Variants in CATSPERD observed in about 807,000 individuals in gnomAD.
The protein encoded by CATSPERD is cation channel sperm-associated auxiliary subunit delta.
Under a neutral mutation model 98.1 loss-of-function variants are expected in CATSPERD, and 86 were observed. The observed-to-expected ratio is 0.88, with a 90% confidence interval of 0.74 to 1.05. The LOEUF (loss-of-function observed/expected upper bound fraction) is 1.05. Ranked by LOEUF, CATSPERD falls within the 50% of genes least tolerant of loss-of-function variation. CATSPERD has a pLI of 0.00. For synonymous variants in CATSPERD, 394 were observed against 390.2 expected (o/e 1.01, Z -0.12); for missense variants, 995 against 1,005.7 (o/e 0.99, Z 0.14).
intron 12 of CATSPERD, among the ~76,000 whole-genome samples, chr19:5,752,780 C>T (rs1305330905): frequency 6.6e-6 from 1 of 151,986 alleles, no homozygotes; most frequent in East Asian, 1.9e-4. Context: ...GTAATCCTAA[C>T]ACTTTGGGAG....
intron 2 of CATSPERD, 63 bp downstream of exon 2, chr19:5,724,925 A>G: frequency 3.4e-6 from 5 of 1,482,314 alleles, no homozygotes; most frequent in South Asian, 1.1e-5. Flanking sequence ...CAGAGGTAAC[A>G]CTTCCTGGTA....
chr19:5,760,101 C>T (rs1047993975), intron 15 of CATSPERD, among the ~76,000 whole-genome samples: 7 of 143,880 alleles, frequency 4.9e-5, no homozygotes, highest in South Asian at 2.2e-4. Context: ...AAAAAAAGGC[C>T]GGGGGCTGTG....
In CATSPERD at chr19:5,773,968, C is replaced by CTTT. The variant is rs71172771; in HGVS notation, c.1941+1018_1941+1020dup. ...TGTCCTGGCTCTTTTTTTGCATTTG[C>CTTT]TTTTTTTTTTTTTTTTTGAGACGGA... On this transcript the variant is annotated intron_variant, in intron 20 of 21. Coordinates refer to ENST00000381624, the MANE Select transcript of CATSPERD (RefSeq NM_152784.4). 3.0e-4 allele frequency among the ~76,000 whole-genome samples: 36 copies of CTTT among 120,380 alleles called. 1 individual carries two copies. The highest frequency in any genetic ancestry group is 1.1e-3 in the South Asian group (4 of 3,766). 79.0% of individuals were successfully genotyped at this position (120,380 alleles called of 152,430 possible).
At chr19:5,739,801 T>C (rs1233228637) in intron 7 of CATSPERD, among the ~76,000 whole-genome samples, 1 of 144,062 alleles carries the variant, frequency 6.9e-6, no homozygotes, top group Admixed American at 7.4e-5. Flanking sequence ...ATCACAGCTC[T>C]GCTCTCCAGC....
In CATSPERD at chr19:5,778,393, C is replaced by T. The variant is rs749371021; in HGVS notation, c.2114C>T (p.Thr705Ile). ...CACCGCAGCTACTGTCAACTGGAGA[C>T]CATCTTTAGCATCTACGTGTATGGA... ...DPYYSYCQLE[T>I]IFSIYVYGAF... The change falls in exon 22 of 22, where the codon ACC (threonine) becomes ATC (isoleucine). Residue 705 changes from threonine (T) to isoleucine (I), a missense_variant. Thr to Ile is a moderately conservative substitution (Grantham distance 89). Coordinates refer to ENST00000381624, the MANE Select transcript of CATSPERD (RefSeq NM_152784.4). 1 of 1,609,108 alleles carries T rather than the reference C, an allele frequency of 6.2e-7. No individual in the cohort carries two copies. Among genetic ancestry groups the T allele is most frequent in the Non-Finnish European group, 8.5e-7 (1 of 1,176,536 alleles).
At chr19:5,768,781 A>C (rs1194058948) in intron 18 of CATSPERD, among the ~76,000 whole-genome samples, 1 of 152,080 alleles carries the variant, frequency 6.6e-6, no homozygotes, top group Non-Finnish European at 1.5e-5. Flanking sequence ...TGTCCGGCTC[A>C]GTGAGCATGT....
intron 11 of CATSPERD, among the ~76,000 whole-genome samples, chr19:5,750,051 G>A (rs919229834): frequency 7.9e-5 from 12 of 151,102 alleles, no homozygotes; most frequent in Admixed American, 7.3e-4. Flanking sequence ...TGATCCACCC[G>A]CCTAGGCCTC....
At chr19:5,747,747 G>T (rs1324639124) in intron 9 of CATSPERD, among the ~76,000 whole-genome samples, 12 of 151,534 alleles carry the variant, frequency 7.9e-5, no homozygotes, top group Non-Finnish European at 2.9e-5. Context: ...AAGTAGCTGG[G>T]ATTACAGGTG....
At chr19:5,729,223 G>T (rs1229235567) in intron 3 of CATSPERD, among the ~76,000 whole-genome samples, 1 of 151,894 alleles carries the variant, frequency 6.6e-6, no homozygotes, top group East Asian at 1.9e-4. Context: ...AGCCTCCCAA[G>T]TAGCTGGGAT....
chr19:5,743,683 C>CCTCTCT (rs146743330), intron 7 of CATSPERD, among the ~76,000 whole-genome samples: 51 of 144,084 alleles, frequency 3.5e-4, no homozygotes, highest in East Asian at 6.2e-4. Flanking sequence ...TCTCTCTCTT[C>CCTCTCT]CTCTCTCTCT....
chr19:5,758,979 C>T (rs1054648943), intron 14 of CATSPERD, 107 bp from the exon 15 acceptor site: 39 of 877,242 alleles, frequency 4.4e-5, no homozygotes, highest in South Asian at 2.0e-4. Flanking sequence ...CTTCCAGGTT[C>T]GTCCCCCCAT....
At chr19:5,763,743 C>G (rs1429398507) in intron 16 of CATSPERD, among the ~76,000 whole-genome samples, 1 of 151,616 alleles carries the variant, frequency 6.6e-6, no homozygotes, top group Non-Finnish European at 1.5e-5. Context: ...CCTTGGTCTC[C>G]CAAAGCTCCC....
chr19:5,753,054 G>A, intron 12 of CATSPERD, among the ~76,000 whole-genome samples: 1 of 149,786 alleles, frequency 6.7e-6, no homozygotes, highest in South Asian at 2.1e-4. Flanking sequence ...AGTAGATTTT[G>A]TAGAGACAGG....
At chr19:5,767,356 A>T (rs1300181728) in intron 17 of CATSPERD, among the ~76,000 whole-genome samples, 1 of 148,842 alleles carries the variant, frequency 6.7e-6, no homozygotes, top group Non-Finnish European at 1.5e-5. Context: ...TACACCTCTA[A>T]CGGCAAAGTG....
At position 5,736,816 on chromosome 19, in the gene CATSPERD, G is replaced by A. The variant is rs540326910; in HGVS notation, c.392-322G>A. Among the ~76,000 whole-genome samples the A allele has an allele frequency of 5.9e-5, 9 of 152,240 alleles. No individual in the cohort carries two copies. In the South Asian group the frequency reaches 1.5e-3, roughly 25 times the overall value. ...CTCACGCCTGTAATCCCAGCACTTT[G>A]GGAGGCCGAGGTGGGTGGATGACAA... On this transcript the variant is annotated intron_variant, in intron 5 of 21. Transcript: ENST00000381624.
chr19:5,776,241 G>A lies in CATSPERD; in HGVS notation c.2022G>A (p.Arg674=). Residue 674 remains arginine, a synonymous_variant, in exon 21 of 22, where the codon CGG becomes CGA. Coordinates refer to ENST00000381624, the MANE Select transcript of CATSPERD (RefSeq NM_152784.4). ...PDVQYQILGG[R]TANQIIFGHN... The stretch of plus-strand genomic sequence containing the variant: ...TCCAGTATCAGATCTTGGGCGGCCG[G>A]ACAGCAAACCAGATCATTTTCGGCC... The A allele has an allele frequency of 6.2e-7, 1 of 1,614,192 alleles. No homozygotes were observed. The highest frequency in any genetic ancestry group is 8.5e-7 in the Non-Finnish European group (1 of 1,180,036).
intron 15 of CATSPERD, among the ~76,000 whole-genome samples, chr19:5,760,866 G>A (rs1599573679): frequency 6.6e-6 from 1 of 151,572 alleles, no homozygotes; most frequent in East Asian, 1.9e-4. Flanking sequence ...TAAGTTATGG[G>A]CATGACAATG....
chr19:5,732,993 TTTTC>T (rs771198906), intron 4 of CATSPERD, among the ~76,000 whole-genome samples: 3 of 151,470 alleles, frequency 2.0e-5, no homozygotes, highest in East Asian at 1.9e-4. Flanking sequence ...GTTTTTTTTC[TTTTC>T]TTTCTTTTTC....
chr19:5,752,826 GA>G (rs1265001946), intron 12 of CATSPERD, among the ~76,000 whole-genome samples: 4 of 151,886 alleles, frequency 2.6e-5, no homozygotes, highest in Non-Finnish European at 5.9e-5. Flanking sequence ...TCAGGGGTTC[GA>G]GAGCAGCCTG....
Sources: allele counts gnomAD v4.1 joint callset (sites outside exome capture counted in the v4.1 genomes callset), GRCh38; gene constraint gnomAD v4.1.1; transcripts MANE v1.5; gene names NCBI Gene and HGNC (gene_info 2026-07-23, HGNC 2026-07-21).